Variants in COL19A1 observed in about 807,000 individuals in gnomAD.
COL19A1 encodes collagen type XIX alpha 1 chain.
A neutral mutation model predicts 190.2 loss-of-function variants in COL19A1; 159 were observed. The ratio of observed to expected loss-of-function variants is 0.84; its 90% confidence interval spans 0.73 to 0.95. COL19A1 has a LOEUF of 0.95. COL19A1 is among the 40% of genes least tolerant of loss of function. COL19A1 has a pLI of 0.00. For missense variants in COL19A1, 1,418 were observed against 1,431.9 expected, an observed-to-expected ratio of 0.99 and a Z score of 0.16; for synonymous variants, 509 against 458.9, an observed-to-expected ratio of 1.11 and a Z score of -1.39.
chr6:69,991,684 T>G (rs796600702), intron 11 of COL19A1, among the ~76,000 whole-genome samples: 3 of 152,252 alleles, frequency 2.0e-5, no homozygotes, highest in African/African-American at 7.2e-5. Flanking sequence ...CATGTATGTA[T>G]TCTTTTAAGA....
At chr6:69,950,775 CTA>C (rs1397463729) in intron 9 of COL19A1, among the ~76,000 whole-genome samples, 2 of 151,542 alleles carry the variant, frequency 1.3e-5, no homozygotes, top group Admixed American at 1.3e-4. Context: ...GATTTGGACA[CTA>C]TGAGCAAATT....
intron 9 of COL19A1, among the ~76,000 whole-genome samples, chr6:69,948,649 G>A (rs1773956965): frequency 6.6e-6 from 1 of 151,766 alleles, no homozygotes; most frequent in Admixed American, 6.6e-5. Flanking sequence ...AGAAGAGAGA[G>A]TTTCTTAGAA....
chr6:69,992,255 A>C (rs1776668249), intron 11 of COL19A1, among the ~76,000 whole-genome samples: 1 of 151,992 alleles, frequency 6.6e-6, no homozygotes, highest in African/African-American at 2.4e-5. Flanking sequence ...CCGTTGGTCT[A>C]TGTGCTTGTT....
chr6:70,005,464 T>C (rs1777557754), intron 11 of COL19A1, among the ~76,000 whole-genome samples: 1 of 152,220 alleles, frequency 6.6e-6, no homozygotes, highest in Non-Finnish European at 1.5e-5. Context: ...CCTATTCATC[T>C]GGTTTGCTCC....
intron 14 of COL19A1, among the ~76,000 whole-genome samples, chr6:70,062,689 T>A (rs370796966): frequency 1.3e-5 from 2 of 151,980 alleles, no homozygotes; most frequent in Admixed American, 1.3e-4. Flanking sequence ...GACTGGCAAA[T>A]TGGATAAAGA....
At chr6:70,163,656 G>A (rs1787959542) in intron 36 of COL19A1, among the ~76,000 whole-genome samples, 3 of 152,178 alleles carry the variant, frequency 2.0e-5, no homozygotes, top group Admixed American at 6.6e-5. Flanking sequence ...AGAATCCTGG[G>A]CAACCATCTA....
chr6:69,869,836 T>A (rs574547869), intron 1 of COL19A1, among the ~76,000 whole-genome samples: 1 of 152,184 alleles, frequency 6.6e-6, no homozygotes, highest in Non-Finnish European at 1.5e-5. Context: ...AATCCCAGGT[T>A]TGAGACCCTC....
chr6:70,043,284 C>G (rs1374503123), intron 14 of COL19A1, among the ~76,000 whole-genome samples: 1 of 151,458 alleles, frequency 6.6e-6, no homozygotes, highest in Non-Finnish European at 1.5e-5. Context: ...CTCCGCCTCT[C>G]GGGTTCACGC....
At chr6:70,188,013 TGCTCTCAACTACA>T in intron 46 of COL19A1, 49 bp from the exon 47 acceptor site, 1 of 1,583,484 alleles carries the variant, frequency 6.3e-7, no homozygotes, top group Non-Finnish European at 8.6e-7. Context: ...CCAGAACTTT[TGCTCTCAACTACA>T]GCTGATGCTA....
chr6:70,197,603 A>G (rs1767293255), intron 48 of COL19A1, among the ~76,000 whole-genome samples: 1 of 152,188 alleles, frequency 6.6e-6, no homozygotes, highest in Admixed American at 6.5e-5. Flanking sequence ...AACTAAAACT[A>G]TATATTAATT....
At chr6:70,190,532 G>A in intron 48 of COL19A1, 151 bp downstream of exon 48, 1 of 605,522 alleles carries the variant, frequency 1.7e-6, no homozygotes. Flanking sequence ...GCTCTTTGAT[G>A]AAAATTCTTC....
At chr6:69,899,402 C>T (rs959372480) in intron 3 of COL19A1, among the ~76,000 whole-genome samples, 2 of 152,090 alleles carry the variant, frequency 1.3e-5, no homozygotes, top group Non-Finnish European at 2.9e-5. Context: ...ATCCATCTGC[C>T]TTGGCCTCCC....
intron 11 of COL19A1, among the ~76,000 whole-genome samples, chr6:69,982,645 C>A (rs1451595376): frequency 6.6e-6 from 1 of 151,774 alleles, no homozygotes; most frequent in African/African-American, 2.4e-5. Flanking sequence ...TCTTGGGTAT[C>A]CTAGAACCTT....
intron 16 of COL19A1, among the ~76,000 whole-genome samples, chr6:70,120,463 T>C (rs187493426): frequency 4.6e-4 from 70 of 152,324 alleles, no homozygotes; most frequent in Non-Finnish European, 7.6e-4. Context: ...TGCATGTTCT[T>C]GGCTAGATAC....
At chr6:69,918,423 G>A (rs754956420) in intron 4 of COL19A1, among the ~76,000 whole-genome samples, 1 of 152,144 alleles carries the variant, frequency 6.6e-6, no homozygotes, top group African/African-American at 2.4e-5. Flanking sequence ...AGGGCTTGGG[G>A]TGGTGGCTCA....
In COL19A1 at chr6:70,149,893, C is replaced by T; in HGVS notation, c.1972C>T (p.Pro658Ser). ...LPGLPGTPGTPGNDGVPGRDG... is the reference protein window; with the variant it reads ...LPGLPGTPGTSGNDGVPGRDG... Reference sequence around the variant, plus strand: ...TGGGTTGCCAGGAACTCCAGGGACTCCAGGGAATGATGTAAGGACTTTCTT... The same window carrying T: ...TGGGTTGCCAGGAACTCCAGGGACTTCAGGGAATGATGTAAGGACTTTCTT... Residue 658 changes from proline (P) to serine (S), a missense_variant, in exon 29 of 51, where the codon CCA (proline) becomes TCA (serine). Coordinates refer to ENST00000620364, the MANE Select transcript of COL19A1 (RefSeq NM_001858.6). 1 of 1,613,678 alleles carries T rather than the reference C, an allele frequency of 6.2e-7. No homozygotes were observed. Among genetic ancestry groups the T allele is most frequent in the Non-Finnish European group, 8.5e-7 (1 of 1,179,790 alleles).
intron 13 of COL19A1, 52 bp from the exon 14 acceptor site, chr6:70,035,852 A>G: frequency 6.8e-7 from 1 of 1,463,366 alleles, no homozygotes; most frequent in Non-Finnish European, 9.5e-7. Flanking sequence ...TTTATAAATA[A>G]TGTGCAAAAA....
At chr6:69,972,002 C>T (rs1029195458) in intron 11 of COL19A1, among the ~76,000 whole-genome samples, 3 of 152,210 alleles carry the variant, frequency 2.0e-5, no homozygotes, top group Admixed American at 1.3e-4. Context: ...CAAAGTTGGA[C>T]GTAGATGTGC....
intron 4 of COL19A1, among the ~76,000 whole-genome samples, chr6:69,918,124 A>G (rs942971533): frequency 2.0e-5 from 3 of 152,206 alleles, no homozygotes; most frequent in Non-Finnish European, 4.4e-5. Context: ...GGCAGGAGTC[A>G]GATCACATCA....
Sources: gnomAD v4.1 joint callset for allele counts (sites outside exome capture counted in the v4.1 genomes callset) on GRCh38, gnomAD v4.1.1 for gene constraint, MANE v1.5 for transcripts, NCBI Gene and HGNC (gene_info 2026-07-23, HGNC 2026-07-21) for gene names.